The following ATP11B variants were observed in gnomAD, a reference collection of about 807,000 sequenced individuals.
ATP11B encodes phospholipid-transporting ATPase IF.
Under a neutral mutation model 157.8 loss-of-function variants are expected in ATP11B, and 81 were observed. The observed-to-expected ratio is 0.51, with a 90% CI of 0.43 to 0.62. The LOEUF (loss-of-function observed/expected upper bound fraction) is 0.62. ATP11B is among the 20% of genes least tolerant of loss of function. The pLI is 0.00. For missense variants in ATP11B, 1,165 were observed against 1,402.2 expected, an observed-to-expected ratio of 0.83 and a Z score of 2.70; for synonymous variants, 451 against 469.4, an observed-to-expected ratio of 0.96 and a Z score of 0.51.
At chr3:182,845,098 C>G (rs585848) in intron 8 of ATP11B, among the ~76,000 whole-genome samples, 108,210 of 151,044 alleles carry the variant, frequency 0.72, 39,248 homozygotes, top group Non-Finnish European at 0.78. Context: ...TCCGCCTCCA[C>G]GGTTCAAAAA....
intron 4 of ATP11B, among the ~76,000 whole-genome samples, chr3:182,835,042 C>T (rs1001318937): frequency 3.3e-5 from 5 of 151,910 alleles, no homozygotes; most frequent in African/African-American, 9.7e-5. Context: ...GGAAATGGAT[C>T]GTGTTTAGGG....
intron 23 of ATP11B, among the ~76,000 whole-genome samples, chr3:182,887,374 T>G (rs1040390394): frequency 6.6e-6 from 1 of 152,224 alleles, no homozygotes; most frequent in African/African-American, 2.4e-5. Flanking sequence ...TAGCAAAATA[T>G]TCCAGTTCTC....
chr3:182,858,128 TA>T (rs1720563602), intron 11 of ATP11B, 100 bp downstream of exon 11: 1 of 1,092,066 alleles, frequency 9.2e-7, no homozygotes, highest in Admixed American at 2.4e-5. Context: ...ACTGTAATCC[TA>T]AAACTGTTGG....
intron 1 of ATP11B, among the ~76,000 whole-genome samples, chr3:182,818,155 G>A (rs959182861): frequency 6.6e-6 from 1 of 152,196 alleles, no homozygotes; most frequent in African/African-American, 2.4e-5. Flanking sequence ...TAGTGTTTGG[G>A]GGGAGATGTT....
At chr3:182,837,491 A>C (rs1718643758) in intron 7 of ATP11B, among the ~76,000 whole-genome samples, 1 of 152,040 alleles carries the variant, frequency 6.6e-6, no homozygotes, top group Non-Finnish European at 1.5e-5. Flanking sequence ...CTTAGAAGAA[A>C]ATAATGATTT....
At chr3:182,875,408 AG>A (rs1362274972) in intron 19 of ATP11B, among the ~76,000 whole-genome samples, 2 of 151,216 alleles carry the variant, frequency 1.3e-5, no homozygotes, top group Admixed American at 1.3e-4. Flanking sequence ...AAGACCATGC[AG>A]GGGATTTTTT....
intron 10 of ATP11B, among the ~76,000 whole-genome samples, chr3:182,855,385 A>T (rs994422843): frequency 2.6e-5 from 4 of 152,190 alleles, no homozygotes; most frequent in African/African-American, 7.2e-5. Context: ...CACTGTATGT[A>T]AAAATTAATT....
chr3:182,896,032 G>GATTACTTTGTAAACTAAATT (rs2108577056), intron 25 of ATP11B, among the ~76,000 whole-genome samples: 2 of 152,262 alleles, frequency 1.3e-5, no homozygotes, highest in African/African-American at 4.8e-5. Context: ...GACTAACAAT[G>GATTACTTTGTAAACTAAATT]ATTACTTTGT....
intron 6 of ATP11B, 30 bp from the exon 7 acceptor site, chr3:182,837,041 A>G (rs1402254143): frequency 6.4e-7 from 1 of 1,552,840 alleles, no homozygotes; most frequent in Non-Finnish European, 8.9e-7. Flanking sequence ...TTGGATCTGA[A>G]AACTCTACAG....
chr3:182,808,196 C>T (rs1716444763), intron 1 of ATP11B, among the ~76,000 whole-genome samples: 1 of 152,120 alleles, frequency 6.6e-6, no homozygotes, highest in Non-Finnish European at 1.5e-5. Flanking sequence ...TTTAGCTCTC[C>T]ACTATGCTCT....
intron 1 of ATP11B, among the ~76,000 whole-genome samples, chr3:182,817,749 A>G (rs1245618898): frequency 6.6e-6 from 1 of 151,942 alleles, no homozygotes; most frequent in Non-Finnish European, 1.5e-5. Context: ...AATTCTAGTC[A>G]TAACTGAGGT....
chr3:182,799,281 CTTTT>C (rs11349038), intron 1 of ATP11B, among the ~76,000 whole-genome samples: 11 of 147,334 alleles, frequency 7.5e-5, no homozygotes, highest in Non-Finnish European at 1.2e-4. Flanking sequence ...TTCTTTCTTT[CTTTT>C]TTTTTTTTTT....
intron 27 of ATP11B, among the ~76,000 whole-genome samples, chr3:182,897,929 T>C (rs1362799142): frequency 6.6e-6 from 1 of 152,070 alleles, no homozygotes; most frequent in Non-Finnish European, 1.5e-5. Flanking sequence ...CCTAAGATTC[T>C]TTGGTAAGTG....
chr3:182,885,508 T>C (rs1722739977), intron 22 of ATP11B, among the ~76,000 whole-genome samples: 1 of 152,150 alleles, frequency 6.6e-6, no homozygotes, highest in Non-Finnish European at 1.5e-5. Flanking sequence ...TTCTAACTTA[T>C]TTTTCTAGCT....
chr3:182,883,778 A>AC (rs1449365065), intron 21 of ATP11B, among the ~76,000 whole-genome samples: 2 of 149,292 alleles, frequency 1.3e-5, no homozygotes, highest in East Asian at 4.0e-4. Flanking sequence ...AAACGGTGAA[A>AC]CCCCGTCTCT....
intron 27 of ATP11B, 43 bp downstream of exon 27, chr3:182,897,449 A>G: frequency 7.7e-7 from 1 of 1,296,858 alleles, no homozygotes; most frequent in Non-Finnish European, 1.1e-6. Context: ...CTTCAACTAT[A>G]ATAAACATTT....
chr3:182,905,300 C>T (rs1724269719), intron 28 of ATP11B, among the ~76,000 whole-genome samples: 4 of 152,104 alleles, frequency 2.6e-5, no homozygotes, highest in Admixed American at 1.3e-4. Context: ...ATTATTGACC[C>T]TCATTAAAAA....
chr3:182,887,477 G>A (rs1024006674), intron 23 of ATP11B, 109 bp from the exon 24 acceptor site: 1 of 824,302 alleles, frequency 1.2e-6, no homozygotes. Context: ...ATGGATTTCA[G>A]TATAAATTTT....
At chr3:182,883,278 A>G (rs1267164429) in intron 21 of ATP11B, among the ~76,000 whole-genome samples, 1 of 149,708 alleles carries the variant, frequency 6.7e-6, no homozygotes, top group Admixed American at 6.6e-5. Flanking sequence ...TTTTTTTGAT[A>G]TAGAGCTTCA....
Sources: gnomAD v4.1 joint callset for allele counts (sites outside exome capture counted in the v4.1 genomes callset) on GRCh38, gnomAD v4.1.1 for gene constraint, MANE v1.5 for transcripts, NCBI Gene and HGNC (gene_info 2026-07-23, HGNC 2026-07-21) for gene names.